Variants in FGD3 observed in about 807,000 individuals in gnomAD.
FGD3 encodes FYVE, RhoGEF and PH domain-containing protein 3.
FGD3 carries 45 observed loss-of-function variants against 71.8 expected under a neutral mutation model. That is an observed-to-expected ratio of 0.63 (90% CI 0.49 to 0.80). The LOEUF (loss-of-function observed/expected upper bound fraction) is 0.80, where lower values mean the gene tolerates loss of function less well. FGD3 is among the 30% of genes least tolerant of loss of function. FGD3 has a pLI of 0.00. For synonymous variants in FGD3, 378 were observed against 392.8 expected (o/e 0.96, Z 0.44); for missense variants, 844 against 951.5 (o/e 0.89, Z 1.49).
intron 17 of FGD3, among the ~76,000 whole-genome samples, chr9:93,034,997 G>A (rs867134454): frequency 5.3e-5 from 8 of 152,276 alleles, no homozygotes; most frequent in South Asian, 2.1e-4. Flanking sequence ...CCGGCCCCTT[G>A]GAGCCCCAGT....
chr9:92,989,308 C>T (rs1006058119), intron 3 of FGD3, among the ~76,000 whole-genome samples: 2 of 152,208 alleles, frequency 1.3e-5, no homozygotes, highest in Non-Finnish European at 2.9e-5. Context: ...CTCAGCCTCC[C>T]AAAGTGCTGG....
intron 14 of FGD3, among the ~76,000 whole-genome samples, chr9:93,028,197 GACACACACACACACAC>G (rs371150500): frequency 0.043 from 6,339 of 147,312 alleles, 166 homozygotes; most frequent in Middle Eastern, 0.065. Context: ...CCCTAGCCCC[GACACACACACACACAC>G]ACACGCACAC....
intron 14 of FGD3, among the ~76,000 whole-genome samples, chr9:93,025,914 G>A (rs1168260361): frequency 3.9e-5 from 6 of 152,306 alleles, no homozygotes; most frequent in Middle Eastern, 3.4e-3. Flanking sequence ...GTCCACCCTC[G>A]GGGCTCCAGG....
intron 9 of FGD3, 100 bp from the exon 10 acceptor site, chr9:93,015,637 T>TAA: frequency 4.1e-6 from 3 of 730,812 alleles, no homozygotes; most frequent in Non-Finnish European, 7.0e-6. Flanking sequence ...TTTATAACAT[T>TAA]AAAAAAAAAT....
At chr9:92,964,800 C>G (rs74547668) in intron 1 of FGD3, among the ~76,000 whole-genome samples, 2 of 152,136 alleles carry the variant, frequency 1.3e-5, no homozygotes. Context: ...CGGCCAGCCC[C>G]TCTCATGTCA....
intron 1 of FGD3, among the ~76,000 whole-genome samples, chr9:92,955,026 T>C (rs1179044028): frequency 3.3e-5 from 5 of 152,152 alleles, no homozygotes; most frequent in South Asian, 2.1e-4. Flanking sequence ...AGAGGGAAGC[T>C]CTAAAGCTGG....
chr9:92,959,385 C>T (rs895627954), intron 1 of FGD3, among the ~76,000 whole-genome samples: 1 of 151,764 alleles, frequency 6.6e-6, no homozygotes, highest in African/African-American at 2.4e-5. Context: ...TGAACTAGTT[C>T]TCTGTTGTTG....
At chr9:93,033,304 TCTC>T (rs1294949553) in intron 16 of FGD3, 14 of 129,052 alleles carry the variant, frequency 1.1e-4, no homozygotes, top group East Asian at 4.5e-4. Context: ...CCCGTCCCCT[TCTC>T]CTCCTCCTCC....
chr9:92,966,077 A>T (rs1331566295), intron 1 of FGD3, among the ~76,000 whole-genome samples: 1 of 152,324 alleles, frequency 6.6e-6, no homozygotes, highest in East Asian at 1.9e-4. Context: ...TCGGGAAGGA[A>T]ACAGGATATG....
At chr9:93,015,904 G>T in intron 10 of FGD3, 75 bp downstream of exon 10, 2 of 1,329,054 alleles carry the variant, frequency 1.5e-6, no homozygotes, top group Non-Finnish European at 2.2e-6. Flanking sequence ...CCAGGCTCTG[G>T]CCGCTGAGGC....
Position 92,968,602 on chromosome 9 carries a change from TCTTTC to T in FGD3, c.-217-6635_-217-6631del, listed in dbSNP as rs924566011. ...TTTTTGTTTTCTTTTCTTTTTTCTT[TCTTTC>T]TTTTTTTTTTTTTTGACACGGAGTC... On this transcript the variant is annotated intron_variant, in intron 1 of 17. Transcript: ENST00000375482. Among the ~76,000 whole-genome samples, 2 of 92,174 alleles carry T rather than the reference TCTTTC, an allele frequency of 2.2e-5. 1 individual carries two copies. Among genetic ancestry groups the T allele is most frequent in the Non-Finnish European group, 4.5e-5 (2 of 44,610 alleles). The allele number at this position is 92,174 out of a possible 152,430, so 60.5% of individuals were successfully genotyped here.
At chr9:92,995,469 T>C (rs1181785256) in intron 3 of FGD3, among the ~76,000 whole-genome samples, 4 of 152,202 alleles carry the variant, frequency 2.6e-5, no homozygotes, top group Admixed American at 2.6e-4. Context: ...GCTTTATTTC[T>C]TTCTCTTGCC....
intron 3 of FGD3, among the ~76,000 whole-genome samples, chr9:92,982,946 C>T (rs895139378): frequency 1.1e-4 from 16 of 152,022 alleles, no homozygotes; most frequent in African/African-American, 3.6e-4. Context: ...ATTAGCTGGG[C>T]ATGGTGGTGC....
intron 14 of FGD3, among the ~76,000 whole-genome samples, chr9:93,027,508 G>A (rs10821055): frequency 0.63 from 95,597 of 151,852 alleles, 31,424 homozygotes; most frequent in African/African-American, 0.83. Context: ...GGCCCAACCT[G>A]AGACCTCATT....
intron 2 of FGD3, among the ~76,000 whole-genome samples, chr9:92,975,789 G>A (rs1859726397): frequency 6.6e-6 from 1 of 152,108 alleles, no homozygotes; most frequent in South Asian, 2.1e-4. Context: ...GTGAGGAGGA[G>A]GAGGAGGAGG....
intron 1 of FGD3, among the ~76,000 whole-genome samples, chr9:92,956,767 C>G (rs1564139506): frequency 6.6e-6 from 1 of 152,130 alleles, no homozygotes; most frequent in South Asian, 2.1e-4. Flanking sequence ...ACTAGTTCTG[C>G]CTGTCTTTGA....
chr9:93,005,648 T>C (rs573399254), intron 5 of FGD3, among the ~76,000 whole-genome samples: 28 of 152,384 alleles, frequency 1.8e-4, no homozygotes, highest in African/African-American at 6.5e-4. Context: ...CAGCATTGGA[T>C]AGAACCATTG....
Position 92,992,330 on chromosome 9 carries a change from T to C in FGD3, c.454-10595T>C, listed in dbSNP as rs575349057. Among the ~76,000 whole-genome samples the C allele has an allele frequency of 4.6e-5, 7 of 152,348 alleles. No individual in the cohort carries two copies. The South Asian group carries it at 1.5e-3, about 32-fold the overall frequency. On this transcript the variant is annotated intron_variant, in intron 3 of 17. Coordinates refer to ENST00000375482, the MANE Select transcript of FGD3 (RefSeq NM_001083536.2). ...GTATCAGCTTTACCAGTGAGTTTTA[T>C]AGTTTTACATGTTTTCAAGATGGTG...
intron 1 of FGD3, among the ~76,000 whole-genome samples, chr9:92,972,794 G>A (rs572455835): frequency 1.5e-4 from 23 of 152,192 alleles, no homozygotes; most frequent in African/African-American, 5.3e-4. Flanking sequence ...GTGTGTGTGT[G>A]TGTTTCATTT....
Sources: gnomAD v4.1 joint callset for allele counts (sites outside exome capture counted in the v4.1 genomes callset) on GRCh38, gnomAD v4.1.1 for gene constraint, MANE v1.5 for transcripts, NCBI Gene and HGNC (gene_info 2026-07-23, HGNC 2026-07-21) for gene names.